ALDH1L1: variants seen among roughly 807,000 people sequenced by gnomAD.
ALDH1L1 encodes cytosolic 10-formyltetrahydrofolate dehydrogenase.
ALDH1L1 carries 68 observed loss-of-function variants against 101.1 expected under a neutral mutation model. The ratio of observed to expected loss-of-function variants is 0.67; its 90% confidence interval spans 0.55 to 0.82. ALDH1L1 has a LOEUF of 0.82. ALDH1L1 is among the 40% of genes least tolerant of loss of function. ALDH1L1 has a pLI of 0.00. For missense variants in ALDH1L1, 1,087 were observed against 1,172.7 expected, an observed-to-expected ratio of 0.93 and a Z score of 1.07; for synonymous variants, 486 against 470.8, an observed-to-expected ratio of 1.03 and a Z score of -0.42.
chr3:126,179,226 G>A (rs1000354948), intron 1 of ALDH1L1, among the ~76,000 whole-genome samples: 2 of 152,258 alleles, frequency 1.3e-5, no homozygotes, highest in Non-Finnish European at 2.9e-5. Flanking sequence ...GACACTGGGA[G>A]GCTTCCTGGG....
chr3:126,184,922 C>T (rs1220404576), upstream of ALDH1L1, among the ~76,000 whole-genome samples: 1 of 152,144 alleles, frequency 6.6e-6, no homozygotes, highest in African/African-American at 2.4e-5. Context: ...TTCTCTTTAT[C>T]TCCTAGGATG....
intron 10 of ALDH1L1, 101 bp downstream of exon 10, chr3:126,137,712 G>C (rs540690951): frequency 5.4e-6 from 8 of 1,483,006 alleles, no homozygotes; most frequent in Non-Finnish European, 7.2e-6. Context: ...TGGGGCCCTG[G>C]CTTTCTGAAT....
At chr3:126,176,928 TAC>T (rs2081373732) in intron 1 of ALDH1L1, among the ~76,000 whole-genome samples, 1 of 152,140 alleles carries the variant, frequency 6.6e-6, no homozygotes, top group Non-Finnish European at 1.5e-5. Context: ...AAAGAAGATA[TAC>T]AGATGGCAGA....
At position 126,153,461 on chromosome 3, in the gene ALDH1L1, C is replaced by T. The variant is rs1003493764; in HGVS notation, c.841G>A (p.Gly281Arg). The T allele has an allele frequency of 1.2e-6, 2 of 1,614,052 alleles. No homozygotes were observed. Among genetic ancestry groups the T allele is most frequent in the African/African-American group, 1.3e-5 (1 of 75,056 alleles). ...GCCCTTACCATTTTGTCATCATTCC[C>T]AAAGAGGATGAGTCCTGCTTTGGTG... is the stretch of plus-strand genomic sequence containing the variant. ...VVTKAGLILFGNDDKMLLVKN... is the reference protein window; with the variant it reads ...VVTKAGLILFRNDDKMLLVKN... The change falls in exon 7 of 23, where the codon GGG becomes AGG. Residue 281 changes from glycine to arginine, a missense_variant. Physicochemically the swap from Gly to Arg is moderately radical, Grantham distance 125 (BLOSUM62 -2). This residue lies in a region of ALDH1L1 where 645 missense variants were observed against 637.0 expected (regional missense o/e 1.01). Coordinates refer to ENST00000393434, the MANE Select transcript of ALDH1L1 (RefSeq NM_012190.4).
Position 126,168,230 on chromosome 3 carries a change from C to CT in ALDH1L1, c.-23-7229dup, listed in dbSNP as rs1166796322. Among the ~76,000 whole-genome samples the CT allele has an allele frequency of 7.2e-5, 11 of 152,084 alleles. No homozygotes were observed. The East Asian group carries it at 7.7e-4, about 11-fold the overall frequency. On this transcript the variant is annotated intron_variant, in intron 1 of 22. Coordinates refer to ENST00000393434, the MANE Select transcript of ALDH1L1 (RefSeq NM_012190.4). ...ACTAAACTCAAAAGAGTATTATATG[C>CT]TTTTTTTCTGTAAATTAAACACTAA...
upstream of ALDH1L1, chr3:126,180,841 A>G (rs1342320703): frequency 2.5e-5 from 38 of 1,548,476 alleles, no homozygotes; most frequent in Middle Eastern, 1.7e-4. Flanking sequence ...AAAAGTCCCA[A>G]GCACCCAGCA....
intron 9 of ALDH1L1, among the ~76,000 whole-genome samples, chr3:126,140,196 A>G (rs765738142): frequency 5.9e-5 from 9 of 152,206 alleles, no homozygotes; most frequent in Non-Finnish European, 1.0e-4. Flanking sequence ...TGGGTCTTTG[A>G]TAAGATTAAA....
In ALDH1L1 at chr3:126,156,117, C is replaced by A. The variant is rs2108291267; in HGVS notation, c.529-614G>T. On this transcript the variant is annotated intron_variant, in intron 4 of 22. Transcript: ENST00000393434. ...CTGTGGTGATGGATGAGTTCCAAGTCTGCACGGTCCAACACGGTGGCCAGG... is the reference window on the plus strand; with the variant it reads ...CTGTGGTGATGGATGAGTTCCAAGTATGCACGGTCCAACACGGTGGCCAGG... 3.3e-5 allele frequency: 5 copies of A among 152,444 alleles called. No homozygotes were observed. The South Asian group carries it at 1.0e-3, about 32-fold the overall frequency. The allele number at this position is 152,444 out of a possible 1,614,324, so 9.4% of individuals were successfully genotyped here.
intron 8 of ALDH1L1, among the ~76,000 whole-genome samples, chr3:126,147,538 CT>C (rs1182655566): frequency 6.6e-6 from 1 of 152,220 alleles, no homozygotes; most frequent in Non-Finnish European, 1.5e-5. Context: ...GGGTGCTCAG[CT>C]CCCACTAAGG....
chr3:126,175,691 CT>C (rs745519740), intron 1 of ALDH1L1, among the ~76,000 whole-genome samples: 2 of 152,094 alleles, frequency 1.3e-5, no homozygotes, highest in Non-Finnish European at 2.9e-5. Context: ...TAAATGGGAA[CT>C]TAACTTGATA....
upstream of ALDH1L1, among the ~76,000 whole-genome samples, chr3:126,183,290 G>A (rs972670787): frequency 1.5e-4 from 23 of 152,102 alleles, no homozygotes; most frequent in African/African-American, 5.3e-4. Flanking sequence ...ATGAACCTCA[G>A]TGAGATCTAC....
At chr3:126,145,116 A>G (rs1264743293) in intron 9 of ALDH1L1, among the ~76,000 whole-genome samples, 3 of 152,208 alleles carry the variant, frequency 2.0e-5, no homozygotes, top group African/African-American at 7.2e-5. Context: ...TGAAAATAAA[A>G]ACTACAATGA....
At chr3:126,120,867 G>A (rs1347220143) in intron 16 of ALDH1L1, among the ~76,000 whole-genome samples, 9 of 151,916 alleles carry the variant, frequency 5.9e-5, no homozygotes, top group African/African-American at 1.4e-4. Context: ...ATCAGACCAC[G>A]AAAATTCTCC....
In ALDH1L1 at chr3:126,124,317, C is replaced by T. The variant is rs2080136232; in HGVS notation, c.1888+47G>A. 7.1e-6 allele frequency: 11 copies of T among 1,540,610 alleles called. No individual in the cohort carries two copies. In the South Asian group the frequency reaches 1.3e-4, roughly 18 times the overall value. On this transcript the variant is annotated intron_variant, in intron 16 of 22. Transcript: ENST00000393434. The stretch of plus-strand genomic sequence containing the variant: ...TAGGGCCTGCTCTGCCCAATGGCAT[C>T]TCCAGCTGCCAGAAGCCCTAGCCCT...
At chr3:126,105,512 CTCT>C (rs1379310528) in intron 22 of ALDH1L1, 1 of 614,486 alleles carries the variant, frequency 1.6e-6, no homozygotes, top group East Asian at 3.0e-5. Context: ...CTCCAGGCCC[CTCT>C]TCTTGCCTTC....
intron 1 of ALDH1L1, among the ~76,000 whole-genome samples, chr3:126,162,149 T>C (rs1349320901): frequency 6.6e-6 from 1 of 152,210 alleles, no homozygotes; most frequent in Non-Finnish European, 1.5e-5. Flanking sequence ...AGTTTAAAGG[T>C]ATTACAAATA....
At chr3:126,122,506 G>T (rs1300150072) in intron 16 of ALDH1L1, among the ~76,000 whole-genome samples, 3 of 152,170 alleles carry the variant, frequency 2.0e-5, no homozygotes, top group Non-Finnish European at 4.4e-5. Context: ...AAGAGGACCA[G>T]AACTTGTGAG....
At chr3:126,134,670 C>T (rs1407899920) in intron 12 of ALDH1L1, among the ~76,000 whole-genome samples, 3 of 152,242 alleles carry the variant, frequency 2.0e-5, no homozygotes, top group Non-Finnish European at 4.4e-5. Flanking sequence ...GCTTTTCTGG[C>T]CTCTGGAGTA....
chr3:126,196,014 T>C (rs2081580012), intron 1 of ALDH1L1, among the ~76,000 whole-genome samples: 1 of 152,134 alleles, frequency 6.6e-6, no homozygotes, highest in East Asian at 1.9e-4. Context: ...CTAATGTAAA[T>C]GACGAGTTAA....
Sources: gnomAD v4.1 joint callset for allele counts (sites outside exome capture counted in the v4.1 genomes callset) on GRCh38, gnomAD v4.1.1 for gene constraint, gnomAD v4.1.1 regional missense constraint, MANE v1.5 for transcripts, NCBI Gene and HGNC (gene_info 2026-07-23, HGNC 2026-07-21) for gene names.